ANKRD30BL: variants seen among roughly 807,000 people sequenced by gnomAD.
The protein encoded by ANKRD30BL is ankyrin repeat domain 30B like, also known as putative ankyrin repeat domain-containing protein 30B-like.
A neutral mutation model predicts 18.4 loss-of-function variants in ANKRD30BL; 20 were observed. The observed-to-expected ratio is 1.09, with a 90% confidence interval of 0.77 to 1.58. ANKRD30BL has a LOEUF of 1.58. ANKRD30BL is among the 40% of genes most tolerant of loss of function. The pLI, the probability that ANKRD30BL is intolerant of heterozygous loss-of-function variation, is 0.00. For synonymous variants in ANKRD30BL, 72 were observed against 100.9 expected (o/e 0.71, Z 1.72); for missense variants, 224 against 268.6 (o/e 0.83, Z 1.16).
chr2:132,182,601 G>C (rs1273537635), intron 1 of ANKRD30BL, among the ~76,000 whole-genome samples: 4 of 152,054 alleles, frequency 2.6e-5, no homozygotes, highest in Non-Finnish European at 4.4e-5. Context: ...ACAATAGGAA[G>C]AAATAAGTTA....
chr2:132,257,529 CTCA>C, exon 1 of ANKRD30BL: 1 of 244,866 alleles, frequency 4.1e-6, no homozygotes, highest in Non-Finnish European at 8.0e-6. Flanking sequence ...CCCCACTCAC[CTCA>C]TCAAGGGGGA....
chr2:132,190,355 C>G (rs1305268254), intron 1 of ANKRD30BL, among the ~76,000 whole-genome samples: 2 of 151,642 alleles, frequency 1.3e-5, no homozygotes, highest in Admixed American at 6.6e-5. Context: ...GCTTCGAGTA[C>G]ATGTTTTCCA....
chr2:132,213,145 A>G (rs1679400717), intron 1 of ANKRD30BL, among the ~76,000 whole-genome samples: 1 of 151,332 alleles, frequency 6.6e-6, no homozygotes, highest in Non-Finnish European at 1.5e-5. Context: ...GGAAAAAAAA[A>G]TCTTCTCATT....
intron 1 of ANKRD30BL, among the ~76,000 whole-genome samples, chr2:132,235,730 G>A (rs1360318049): frequency 2.0e-5 from 3 of 152,070 alleles, no homozygotes; most frequent in Non-Finnish European, 4.4e-5. Flanking sequence ...TCATGGGTAG[G>A]AAGAATCAAT....
chr2:132,228,161 C>T (rs1026463293), intron 1 of ANKRD30BL, among the ~76,000 whole-genome samples: 7 of 151,722 alleles, frequency 4.6e-5, no homozygotes, highest in African/African-American at 1.7e-4. Context: ...CAGAGTTAAG[C>T]CTTTGTTTTG....
At chr2:132,183,142 T>C (rs1219330410) in intron 1 of ANKRD30BL, among the ~76,000 whole-genome samples, 11 of 151,736 alleles carry the variant, frequency 7.2e-5, no homozygotes, top group Non-Finnish European at 1.2e-4. Context: ...AGTAGCTTTT[T>C]TTTTTTTTTT....
intron 1 of ANKRD30BL, among the ~76,000 whole-genome samples, chr2:132,236,478 A>G (rs1680154719): frequency 6.6e-6 from 1 of 152,200 alleles, no homozygotes; most frequent in South Asian, 2.1e-4. Flanking sequence ...ATGAACACAT[A>G]CTTCTCAAAA....
intron 1 of ANKRD30BL, among the ~76,000 whole-genome samples, chr2:132,239,002 G>A (rs1301661431): frequency 6.6e-6 from 1 of 152,136 alleles, no homozygotes; most frequent in Non-Finnish European, 1.5e-5. Flanking sequence ...ACTTCTTTGT[G>A]AGACTTGCAT....
At chr2:132,208,154 T>A (rs1679247124) in intron 1 of ANKRD30BL, among the ~76,000 whole-genome samples, 1 of 152,140 alleles carries the variant, frequency 6.6e-6, no homozygotes, top group Admixed American at 6.6e-5. Context: ...CCACTTGTAC[T>A]GCAGGCCTCT....
At chr2:132,217,700 T>G (rs1351341937) in intron 1 of ANKRD30BL, among the ~76,000 whole-genome samples, 2 of 152,296 alleles carry the variant, frequency 1.3e-5, no homozygotes, top group African/African-American at 4.8e-5. Context: ...TAGAGCAGTT[T>G]AAGAACCCCC....
chr2:132,179,000 T>C (rs1688411706), intron 1 of ANKRD30BL, among the ~76,000 whole-genome samples: 1 of 151,712 alleles, frequency 6.6e-6, no homozygotes, highest in South Asian at 2.1e-4. Flanking sequence ...TGAAGACTAG[T>C]AATTTTACAG....
At chr2:132,191,889 T>C (rs1317216635) in intron 1 of ANKRD30BL, among the ~76,000 whole-genome samples, 48 of 151,592 alleles carry the variant, frequency 3.2e-4, no homozygotes, top group Admixed American at 1.4e-3. Flanking sequence ...CTACAGGCTC[T>C]CACCACCACG....
intron 1 of ANKRD30BL, among the ~76,000 whole-genome samples, chr2:132,234,090 G>C (rs1284100089): frequency 1.3e-5 from 2 of 152,092 alleles, no homozygotes; most frequent in Admixed American, 6.6e-5. Context: ...ATGACTACTG[G>C]ATATTTAACG....
intron 1 of ANKRD30BL, among the ~76,000 whole-genome samples, chr2:132,204,360 T>C (rs1679167696): frequency 6.6e-6 from 1 of 152,024 alleles, no homozygotes. Context: ...AAGTAAACAA[T>C]TTTTAAAAGC....
intron 1 of ANKRD30BL, among the ~76,000 whole-genome samples, chr2:132,198,362 C>T (rs796421064): frequency 5.7e-5 from 7 of 123,278 alleles, no homozygotes; most frequent in Non-Finnish European, 8.0e-5. Flanking sequence ...CTCCCTCTGT[C>T]GCCCAGGCTG....
chr2:132,184,974 G>A (rs1235849129), intron 1 of ANKRD30BL, among the ~76,000 whole-genome samples: 5 of 151,992 alleles, frequency 3.3e-5, no homozygotes, highest in Non-Finnish European at 4.4e-5. Context: ...CACCATGCTC[G>A]GCTAATTTTT....
intron 1 of ANKRD30BL, among the ~76,000 whole-genome samples, chr2:132,227,456 T>G (rs1389930081): frequency 6.6e-6 from 1 of 152,022 alleles, no homozygotes; most frequent in Non-Finnish European, 1.5e-5. Context: ...GGGACATACC[T>G]TATCATAGAG....
At chr2:132,171,654 A>G (rs1437800823) in intron 1 of ANKRD30BL, among the ~76,000 whole-genome samples, 1 of 152,256 alleles carries the variant, frequency 6.6e-6, no homozygotes, top group Non-Finnish European at 1.5e-5. Flanking sequence ...TTTATGCTTA[A>G]TAACAAAAAA....
intron 1 of ANKRD30BL, among the ~76,000 whole-genome samples, chr2:132,204,905 T>C (rs1452799757): frequency 6.6e-6 from 1 of 152,028 alleles, no homozygotes; most frequent in Non-Finnish European, 1.5e-5. Flanking sequence ...TTTTAAAATA[T>C]AGGTTTGAAA....
Sources: allele counts gnomAD v4.1 joint callset (sites outside exome capture counted in the v4.1 genomes callset), GRCh38; gene constraint gnomAD v4.1.1; transcripts MANE v1.5; gene names NCBI Gene and HGNC (gene_info 2026-07-23, HGNC 2026-07-21).